Variants in ECE2 observed in about 807,000 individuals in gnomAD.
ECE2 encodes the protein endothelin converting enzyme 2, also known as endothelin-converting enzyme 2.
ECE2 carries 81 observed loss-of-function variants against 100.6 expected under a neutral mutation model. The ratio of observed to expected loss-of-function variants is 0.81; its 90% CI spans 0.67 to 0.97. The LOEUF is 0.97. Among genes scored for constraint, ECE2 ranks in the 50% least tolerant of loss-of-function variants. ECE2 has a pLI of 0.00. For missense variants in ECE2, 911 were observed against 988.1 expected, an observed-to-expected ratio of 0.92 and a Z score of 1.05; for synonymous variants, 391 against 391.5, an observed-to-expected ratio of 1.00 and a Z score of 0.02.
intron 7 of ECE2, among the ~76,000 whole-genome samples, chr3:184,283,561 C>CAAAAAAAAAAAA (rs35761542): frequency 1.1e-4 from 6 of 53,104 alleles, no homozygotes; most frequent in Non-Finnish European, 9.7e-5. Context: ...GACTCCATCT[C>CAAAAAAAAAAAA]AAAAAAAAAA....
chr3:184,287,673 T>C (rs987746748), intron 10 of ECE2, among the ~76,000 whole-genome samples, 164 bp from the exon 11 acceptor site: 12 of 151,824 alleles, frequency 7.9e-5, no homozygotes, highest in Admixed American at 6.6e-4. Context: ...CCAGCCTGGG[T>C]GACAGAGCAA....
Position 184,291,113 on chromosome 3 carries a change from C to A in ECE2, c.1908C>A (p.His636Gln), listed in dbSNP as rs1721290758. Residue 636 changes from histidine (H) to glutamine (Q), a missense_variant, in exon 17 of 19, where the codon CAC (histidine) becomes CAA (glutamine). By Grantham distance (24) the His-to-Gln change is conservative (BLOSUM62 0). Transcript: ENST00000404464. This position sits in a 1 kb window ranked among gnomAD's most constrained non-coding sequence, Gnocchi z 4.1. ...AGTCCCTGGCAGCCTTCCGGAACCA[C>A]ACGGCCTGCATGGAGGAACAGTACA... ...QNESLAAFRNHTACMEEQYNQ... is the reference protein window; with the variant it reads ...QNESLAAFRNQTACMEEQYNQ... 1.2e-6 allele frequency: 2 copies of A among 1,609,588 alleles called. No individual in the cohort carries two copies. The highest frequency in any genetic ancestry group is 1.7e-6 in the Non-Finnish European group (2 of 1,177,546).
In ECE2 at chr3:184,289,384, G is replaced by A. The variant is rs1237881747; in HGVS notation, c.1375-53G>A. ...TGGGGCACCAAGGGTGGATGGGTGGGGCAGGGATGCATTCAGTGCAGGGGA... is the reference window on the plus strand; with the variant it reads ...TGGGGCACCAAGGGTGGATGGGTGGAGCAGGGATGCATTCAGTGCAGGGGA... On this transcript the variant is annotated intron_variant, in intron 11 of 18. Transcript: ENST00000404464. The surrounding 1 kb of genome is among the most constrained non-coding windows in gnomAD (Gnocchi z 4.1). 3 of 1,521,116 alleles carry A rather than the reference G, an allele frequency of 2.0e-6. No homozygotes were observed. The highest frequency in any genetic ancestry group is 2.7e-6 in the Non-Finnish European group (3 of 1,119,134). 94.2% of individuals were successfully genotyped at this position (1,521,116 alleles called of 1,614,324 possible).
Position 184,278,256 on chromosome 3 carries a change from A to G in ECE2, c.693A>G (p.Pro231=), listed in dbSNP as rs55920130. The change falls in exon 6 of 19, where the codon CCA becomes CCG. Residue 231 remains proline, a synonymous_variant. Transcript: ENST00000404464. ...KAVAGTYRAT[P]FFTVYISADS... ...TAGCAGGGACCTACAGGGCCACCCCATTCTTCACCGTCTACATCAGTGCCG... is the reference window on the plus strand; with the variant it reads ...TAGCAGGGACCTACAGGGCCACCCCGTTCTTCACCGTCTACATCAGTGCCG... The G allele has an allele frequency of 9.5e-3, 15,369 of 1,614,156 alleles. 108 individuals are homozygous for G. The highest frequency in any genetic ancestry group is 0.011 in the Non-Finnish European group (13,438 of 1,180,016).
intron 9 of ECE2, 48 bp from the exon 10 acceptor site, chr3:184,285,430 G>A (rs1720997781): frequency 1.4e-6 from 2 of 1,408,762 alleles, no homozygotes; most frequent in African/African-American, 2.8e-5. Flanking sequence ...TGAGGGGTGT[G>A]AAGGGCATCC....
intron 10 of ECE2, 97 bp from the exon 11 acceptor site, chr3:184,287,740 A>C: frequency 1.9e-6 from 2 of 1,079,742 alleles, no homozygotes; most frequent in Non-Finnish European, 2.8e-6. Flanking sequence ...ACTCTTGTCC[A>C]GAGCTGAGAA....
intron 10 of ECE2, 62 bp from the exon 11 acceptor site, chr3:184,287,775 A>G (rs949292520): frequency 9.7e-5 from 142 of 1,462,830 alleles, no homozygotes; most frequent in Non-Finnish European, 1.3e-4. Context: ...AGTGACAGAG[A>G]AAGGCCCTCT....
Position 184,292,073 on chromosome 3 carries a change from G to A in ECE2, c.2133G>A (p.Ser711=), listed in dbSNP as rs759431166. 1.7e-5 allele frequency: 27 copies of A among 1,613,096 alleles called. No individual in the cohort carries two copies. The highest frequency in any genetic ancestry group is 8.9e-5 in the East Asian group (4 of 44,862). ...FFVGFAQVWC[S]VRTPESSHEG... ...GTCCTGGCCCGCAGGTGTGGTGCTC[G>A]GTCCGCACACCAGAGAGCTCTCACG... Residue 711 remains serine (S), a synonymous_variant, in exon 19 of 19, where the codon TCG becomes TCA. Transcript: ENST00000404464.
chr3:184,278,114 G>C (rs1720647599), intron 5 of ECE2, 53 bp from the exon 6 acceptor site: 2 of 1,613,142 alleles, frequency 1.2e-6, no homozygotes, highest in Non-Finnish European at 1.7e-6. Context: ...AGATGGCCCA[G>C]GAACGCTTTG....
At chr3:184,280,383 C>A (rs1720768914) in intron 7 of ECE2, among the ~76,000 whole-genome samples, 3 of 152,188 alleles carry the variant, frequency 2.0e-5, no homozygotes, top group Admixed American at 2.0e-4. Flanking sequence ...TATGCTCCTG[C>A]ATGTGGCAGA....
At position 184,291,273 on chromosome 3, in the gene ECE2, C is replaced by T; in HGVS notation, c.2025+43C>T. 1 of 1,596,274 alleles carries T rather than the reference C, an allele frequency of 6.3e-7. No individual in the cohort carries two copies. The highest frequency in any genetic ancestry group is 8.5e-7 in the Non-Finnish European group (1 of 1,169,652). On this transcript the variant is annotated intron_variant, in intron 17 of 18. Transcript: ENST00000404464. This position sits in a 1 kb window ranked among gnomAD's most constrained non-coding sequence, Gnocchi z 4.1. ...CCCTCCAGCGGCTGAGGCCTGCTGG[C>T]CTGGGGTGAAAGGTGCCGGGTGGGT...
At position 184,290,883 on chromosome 3, in the gene ECE2, C is replaced by T. The variant is rs544090313; in HGVS notation, c.1834+23C>T. ...AAGGTAGGGGCCCATGGAGTCGTCC[C>T]CTCTAGCCTAGAATTCCCAGTGGCT... On this transcript the variant is annotated intron_variant, in intron 16 of 18. Transcript: ENST00000404464. 14 of 1,614,130 alleles carry T rather than the reference C, an allele frequency of 8.7e-6. No individual in the cohort carries two copies. In the African/African-American group the frequency reaches 9.3e-5, roughly 11 times the overall value.
intron 7 of ECE2, chr3:184,278,775 A>G: frequency 1.7e-6 from 1 of 588,970 alleles, no homozygotes; most frequent in Non-Finnish European, 3.0e-6. Flanking sequence ...AGTAGGTTTC[A>G]TAGACACCTA....
rs1577149373 is a variant in ECE2 at position 184,291,759 on chromosome 3, T to G, written c.2122-303T>G. 2.7e-5 allele frequency: 14 copies of G among 512,410 alleles called. 1 individual carries two copies. In the South Asian group the frequency reaches 4.1e-4, roughly 15 times the overall value. 31.7% of individuals were successfully genotyped at this position (512,410 alleles called of 1,614,324 possible). The stretch of plus-strand genomic sequence containing the variant: ...TCACGCTGTTCCTGTGAGGGAGACA[T>G]GCAGGAAACGAAAGCTCGGGACGCA... On this transcript the variant is annotated intron_variant, in intron 18 of 18. Transcript: ENST00000404464. The surrounding 1 kb of genome is among the most constrained non-coding windows in gnomAD (Gnocchi z 4.1).
chr3:184,284,890 T>C, intron 8 of ECE2, 73 bp from the exon 9 acceptor site: 6 of 1,560,058 alleles, frequency 3.8e-6, no homozygotes, highest in Non-Finnish European at 5.2e-6. Flanking sequence ...GCTCCCAGGC[T>C]ACAGCATACA....
At position 184,290,620 on chromosome 3, in the gene ECE2, C is replaced by T. The variant is rs965918001; in HGVS notation, c.1719C>T (p.Phe573=). 6.2e-7 allele frequency: 1 copy of T among 1,614,194 alleles called. No homozygotes were observed. The highest frequency in any genetic ancestry group is 1.1e-5 in the South Asian group (1 of 91,084). The part of the protein sequence containing the change: ...YYLPTKNEIV[F]PAGILQAPFY... ...TTCCAACTAAGAATGAGATCGTCTT[C>T]CCCGCTGGCATCCTGCAGGCCCCCT... Residue 573 remains phenylalanine, a synonymous_variant, in exon 15 of 19, where the codon TTC becomes TTT. Transcript: ENST00000404464.
Position 184,290,686 on chromosome 3 carries a change from G to A in ECE2, c.1766+19G>A. 6.2e-7 allele frequency: 1 copy of A among 1,613,764 alleles called. No homozygotes were observed. The highest frequency in any genetic ancestry group is 8.5e-7 in the Non-Finnish European group (1 of 1,179,736). On this transcript the variant is annotated intron_variant, in intron 15 of 18. Coordinates refer to ENST00000404464, the MANE Select transcript of ECE2 (RefSeq NM_001100121.2). ...ACCCCAAGTGTGTCTGAAGCAGGAGGGGCTGGGTGCTGGGGCCTGGGCCTG... is the reference window on the plus strand; with the variant it reads ...ACCCCAAGTGTGTCTGAAGCAGGAGAGGCTGGGTGCTGGGGCCTGGGCCTG...
At chr3:184,278,615 G>C in intron 7 of ECE2, 58 bp downstream of exon 7, 1 of 1,594,414 alleles carries the variant, frequency 6.3e-7, no homozygotes, top group South Asian at 1.1e-5. Flanking sequence ...GCTGATCCCT[G>C]TTGACTTTTC....
At position 184,292,542 on chromosome 3, in the gene ECE2, C is replaced by A. The variant is rs1481164616; in HGVS notation, c.*304C>A. 2.6e-5 allele frequency: 11 copies of A among 420,906 alleles called. No homozygotes were observed. Among genetic ancestry groups the A allele is most frequent in the Non-Finnish European group, 4.4e-5 (10 of 228,540 alleles). The allele number at this position is 420,906 out of a possible 1,614,324, so 26.1% of individuals were successfully genotyped here. On this transcript the variant is annotated 3_prime_UTR_variant, in exon 19 of 19. Transcript: ENST00000404464. ...GGAAGGAGTCTGCCTCTTCTGTCCC[C>A]AGGCTCACTCAGCCTGGCGGCCATG...
Sources: allele counts gnomAD v4.1 joint callset (sites outside exome capture counted in the v4.1 genomes callset), GRCh38; gene constraint gnomAD v4.1.1; non-coding constraint Gnocchi (gnomAD v3.1); transcripts MANE v1.5; gene names NCBI Gene and HGNC (gene_info 2026-07-23, HGNC 2026-07-21).